The following TTC6 variants were observed in gnomAD, a reference collection of about 807,000 sequenced individuals.
TTC6 encodes the protein tetratricopeptide repeat domain 6.
A neutral mutation model predicts 210.4 loss-of-function variants in TTC6; 172 were observed. That is an observed-to-expected ratio of 0.82 (90% CI 0.72 to 0.93). The LOEUF is 0.93. TTC6 is among the 40% of genes least tolerant of loss of function. TTC6 has a pLI of 0.00. For missense variants in TTC6, 2,414 were observed against 2,318.1 expected (o/e 1.04, Z -0.85); for synonymous variants, 804 against 819.6 (o/e 0.98, Z 0.32).
At chr14:37,761,314 T>C (rs2095983838) in intron 14 of TTC6, among the ~76,000 whole-genome samples, 1 of 151,674 alleles carries the variant, frequency 6.6e-6, no homozygotes. Context: ...CTGCTTGCCT[T>C]CTGTTGGCTG....
intron 14 of TTC6, among the ~76,000 whole-genome samples, chr14:37,773,906 CGTTT>C (rs1476659720): frequency 6.6e-6 from 1 of 151,888 alleles, no homozygotes; most frequent in Non-Finnish European, 1.5e-5. Context: ...ATGTTTTTTT[CGTTT>C]GTTTGTGGTC....
At chr14:37,642,803 C>T (rs1391347636) in intron 1 of TTC6, among the ~76,000 whole-genome samples, 1 of 152,196 alleles carries the variant, frequency 6.6e-6, no homozygotes, top group Non-Finnish European at 1.5e-5. Context: ...TGCTCCTAGA[C>T]TACAAAGCAT....
chr14:37,736,445 A>G lies in TTC6; in HGVS notation c.1908+435A>G, dbSNP rs542675266. 1.4e-4 allele frequency among the ~76,000 whole-genome samples: 21 copies of G among 152,228 alleles called. No individual in the cohort carries two copies. The East Asian group carries it at 3.5e-3, about 25-fold the overall frequency. ...AAGATACATTTCTACTTTCTCAAATATGCTGTTTTTATGACTGTTAGAAGA... is the reference window on the plus strand; with the variant it reads ...AAGATACATTTCTACTTTCTCAAATGTGCTGTTTTTATGACTGTTAGAAGA... On this transcript the variant is annotated intron_variant, in intron 8 of 30. Transcript: ENST00000553443.
intron 1 of TTC6, among the ~76,000 whole-genome samples, chr14:37,656,512 TGC>T (rs1264773330): frequency 7.0e-4 from 52 of 74,596 alleles, no homozygotes; most frequent in African/African-American, 2.8e-3. Context: ...TGTGTGTGTG[TGC>T]GTGTGTGTGT....
chr14:37,599,900 C>G (rs1419978403), intron 1 of TTC6, among the ~76,000 whole-genome samples: 2 of 152,122 alleles, frequency 1.3e-5, no homozygotes, highest in African/African-American at 2.4e-5. Context: ...TTGTGGCCCC[C>G]GAGTTACTGA....
intron 27 of TTC6, among the ~76,000 whole-genome samples, chr14:37,825,082 G>A (rs2096167616): frequency 6.6e-6 from 1 of 152,132 alleles, no homozygotes; most frequent in South Asian, 2.1e-4. Flanking sequence ...GGAGAGTTAG[G>A]CCCATCTGAG....
chr14:37,607,781 C>T (rs1233854641), intron 2 of TTC6, among the ~76,000 whole-genome samples: 1 of 151,944 alleles, frequency 6.6e-6, no homozygotes, highest in East Asian at 1.9e-4. Context: ...GTGCATGCCA[C>T]CATGCCCAGC....
chr14:37,797,586 C>T (rs1023632609), intron 20 of TTC6, among the ~76,000 whole-genome samples: 2 of 151,454 alleles, frequency 1.3e-5, no homozygotes, highest in African/African-American at 2.4e-5. Context: ...GTTTGTGCCT[C>T]GTCTTTTGTC....
chr14:37,792,691 C>T lies in TTC6; in HGVS notation c.3708+277C>T, dbSNP rs144458135. 3.2e-3 allele frequency among the ~76,000 whole-genome samples: 480 copies of T among 150,330 alleles called. 2 individuals are homozygous for T. In the Middle Eastern group the frequency reaches 0.038, roughly 12 times the overall value. The stretch of plus-strand genomic sequence containing the variant: ...ACTTATTGCAGGTAATATATGCATG[C>T]GATAGGAATAAACTAAAAACTATTA... On this transcript the variant is annotated intron_variant, in intron 17 of 30. Coordinates refer to ENST00000553443, the Ensembl canonical transcript of TTC6.
chr14:37,615,504 C>T (rs924775963), intron 2 of TTC6, among the ~76,000 whole-genome samples: 2 of 152,064 alleles, frequency 1.3e-5, no homozygotes, highest in African/African-American at 4.8e-5. Context: ...TGGATAATTT[C>T]TGTGCATTTA....
At chr14:37,693,021 A>C (rs977482093) in intron 3 of TTC6, among the ~76,000 whole-genome samples, 1 of 152,116 alleles carries the variant, frequency 6.6e-6, no homozygotes, top group African/African-American at 2.4e-5. Flanking sequence ...ACTGTTATTC[A>C]ACATCATACT....
intron 2 of TTC6, among the ~76,000 whole-genome samples, chr14:37,607,577 A>C (rs1287742612): frequency 6.6e-6 from 1 of 152,160 alleles, no homozygotes; most frequent in Non-Finnish European, 1.5e-5. Context: ...AAGTTCATGA[A>C]AGTAGAATTT....
chr14:37,796,371 G>A lies in TTC6; in HGVS notation c.3868+1G>A. On this transcript the variant is annotated splice_donor_variant, in intron 19 of 30. Coordinates refer to ENST00000553443, the Ensembl canonical transcript of TTC6. LOFTEE classifies it high-confidence loss of function. ...TATCAAATAGCAGAAATGGACAAAG[G>A]TAAGTATAATTAATTATAACTTTTA... The A allele has an allele frequency of 1.8e-6, 2 of 1,137,896 alleles. No homozygotes were observed. Among genetic ancestry groups the A allele is most frequent in the Non-Finnish European group, 2.5e-6 (2 of 790,538 alleles). 70.5% of individuals were successfully genotyped at this position (1,137,896 alleles called of 1,614,324 possible).
intron 20 of TTC6, among the ~76,000 whole-genome samples, chr14:37,799,388 T>C (rs1313866092): frequency 6.6e-6 from 1 of 152,206 alleles, no homozygotes; most frequent in Non-Finnish European, 1.5e-5. Flanking sequence ...ATAGTCCTTA[T>C]CTTCATTTCC....
At chr14:37,670,045 A>G (rs2095755275) in intron 1 of TTC6, among the ~76,000 whole-genome samples, 1 of 152,214 alleles carries the variant, frequency 6.6e-6, no homozygotes, top group Non-Finnish European at 1.5e-5. Flanking sequence ...TTCACAGGTG[A>G]TATGAATCAA....
At position 37,663,701 on chromosome 14, in the gene TTC6, G is replaced by A. The variant is rs113903319; in HGVS notation, c.940-16450G>A. On this transcript the variant is annotated intron_variant, in intron 1 of 30. Coordinates refer to ENST00000553443, the Ensembl canonical transcript of TTC6. The stretch of plus-strand genomic sequence containing the variant: ...CTGCTATGATGAAAGTTAGTATGAG[G>A]TTCATGTGATGAGGAGGTCATGTTC... Among the ~76,000 whole-genome samples the A allele has an allele frequency of 2.2e-3, 332 of 152,134 alleles. 3 individuals carry two copies. Among genetic ancestry groups the A allele is most frequent in the African/African-American group, 7.6e-3 (315 of 41,538 alleles).
chr14:37,733,314 C>CT (rs1228579522), intron 7 of TTC6, among the ~76,000 whole-genome samples: 1 of 151,716 alleles, frequency 6.6e-6, no homozygotes, highest in African/African-American at 2.4e-5. Context: ...TTTGGCTTTT[C>CT]TTTTTTTTCC....
chr14:37,613,132 G>A (rs1192223556), intron 2 of TTC6, among the ~76,000 whole-genome samples: 2 of 152,034 alleles, frequency 1.3e-5, no homozygotes, highest in African/African-American at 4.8e-5. Flanking sequence ...TCAGATTGAG[G>A]ATGTTCTCTA....
At chr14:37,646,898 T>C (rs538454695) in intron 1 of TTC6, among the ~76,000 whole-genome samples, 118 of 152,320 alleles carry the variant, frequency 7.7e-4, no homozygotes, top group African/African-American at 2.6e-3. Context: ...TATTTTGTGT[T>C]TAAAGATTCT....
Sources: allele counts gnomAD v4.1 joint callset (sites outside exome capture counted in the v4.1 genomes callset), GRCh38; gene constraint gnomAD v4.1.1; transcripts MANE v1.5; gene names NCBI Gene and HGNC (gene_info 2026-07-23, HGNC 2026-07-21).